Variants in KIRREL3 observed in about 807,000 individuals in gnomAD.
KIRREL3 encodes the protein kin of IRRE-like protein 3.
In KIRREL3, 36 loss-of-function variants were observed where a neutral mutation model predicts 89.7. The observed-to-expected ratio is 0.40, with a 90% CI of 0.31 to 0.53. KIRREL3 has a LOEUF of 0.53. KIRREL3 is among the 20% of genes least tolerant of loss of function. The pLI, the probability that KIRREL3 is intolerant of heterozygous loss-of-function variation, is 0.49. For missense variants in KIRREL3, 864 were observed against 1,056.6 expected (o/e 0.82, Z 2.53); for synonymous variants, 445 against 441.4 (o/e 1.01, Z -0.10).
chr11:126,651,756 A>C lies in KIRREL3; in HGVS notation c.56-88844T>G, dbSNP rs542484449. Among the ~76,000 whole-genome samples, 11 of 152,282 alleles carry C rather than the reference A, an allele frequency of 7.2e-5. No homozygotes were observed. The highest frequency in any genetic ancestry group is 2.6e-4 in the African/African-American group (11 of 41,562). On this transcript the variant is annotated intron_variant, in intron 1 of 16. Transcript: ENST00000525144. The surrounding 1 kb of genome is among the most constrained non-coding windows in gnomAD (Gnocchi z 4.6). ...AAGCTAATTAGTTTAAATTATTTGT[A>C]CTTGTACAAGGTCTTGAAACACATA... is the stretch of plus-strand genomic sequence containing the variant.
At chr11:126,681,609 G>GACC in intron 1 of KIRREL3, among the ~76,000 whole-genome samples, 1 of 150,388 alleles carries the variant, frequency 6.6e-6, no homozygotes, top group East Asian at 2.0e-4. Context: ...TGTATATACA[G>GACC]ACACACACAC....
intron 1 of KIRREL3, among the ~76,000 whole-genome samples, chr11:126,984,425 T>G (rs1949800125): frequency 1.3e-5 from 2 of 151,990 alleles, no homozygotes; most frequent in Admixed American, 6.5e-5. Context: ...AGGTCTTCCT[T>G]GATTGACAGG....
rs1432112527 is a variant in KIRREL3 at position 126,989,509 on chromosome 11, A to G, written c.55+10946T>C. Among the ~76,000 whole-genome samples the G allele has an allele frequency of 7.9e-5, 12 of 152,152 alleles. No homozygotes were observed. Among genetic ancestry groups the G allele is most frequent in the Non-Finnish European group, 1.5e-4 (10 of 68,020 alleles). ...GTAACATAAACCGCCAGCTCTACCA[A>G]CCACTCAGGCTGCAGACCAGACAAG... On this transcript the variant is annotated intron_variant, in intron 1 of 16. Coordinates refer to ENST00000525144, the MANE Select transcript of KIRREL3 (RefSeq NM_032531.4). The surrounding 1 kb of genome is among the most constrained non-coding windows in gnomAD (Gnocchi z 6.2).
chr11:126,952,697 G>A (rs896602446), intron 1 of KIRREL3, among the ~76,000 whole-genome samples: 4 of 152,162 alleles, frequency 2.6e-5, no homozygotes, highest in Non-Finnish European at 4.4e-5. Context: ...GGGTTTTCAT[G>A]GTTTGGGTCT....
rs932811588 is a variant in KIRREL3 at position 126,639,005 on chromosome 11, G to C, written c.56-76093C>G. On this transcript the variant is annotated intron_variant, in intron 1 of 16. Transcript: ENST00000525144. This position sits in a 1 kb window ranked among gnomAD's most constrained non-coding sequence, Gnocchi z 4.3. ...TTTAATGATTTTTTTTTAATTGAAT[G>C]AATTAAGATTCACAAGTAATTTGAA... is the stretch of plus-strand genomic sequence containing the variant. Among the ~76,000 whole-genome samples, 11 of 152,040 alleles carry C rather than the reference G, an allele frequency of 7.2e-5. No individual in the cohort carries two copies. The highest frequency in any genetic ancestry group is 1.3e-4 in the Non-Finnish European group (9 of 68,006).
chr11:126,665,819 T>G (rs1323941443), intron 1 of KIRREL3, among the ~76,000 whole-genome samples: 1 of 152,256 alleles, frequency 6.6e-6, no homozygotes, highest in Non-Finnish European at 1.5e-5. Context: ...GAGGTCTGCC[T>G]GCAACACTTA....
intron 1 of KIRREL3, among the ~76,000 whole-genome samples, chr11:126,794,296 G>A (rs1364665008): frequency 1.3e-5 from 2 of 152,136 alleles, no homozygotes; most frequent in Admixed American, 6.5e-5. Flanking sequence ...GCCAGCCTGG[G>A]CCATGGTTCC....
intron 5 of KIRREL3, among the ~76,000 whole-genome samples, chr11:126,468,569 C>G (rs1956796051): frequency 6.6e-6 from 1 of 152,194 alleles, no homozygotes; most frequent in Non-Finnish European, 1.5e-5. Flanking sequence ...TCATCCCTCC[C>G]CTACTGGTCC....
chr11:126,894,323 G>A (rs1294251677), intron 1 of KIRREL3, among the ~76,000 whole-genome samples: 1 of 152,038 alleles, frequency 6.6e-6, no homozygotes, highest in African/African-American at 2.4e-5. Flanking sequence ...GTCGTGGTGA[G>A]CAAGACAGGT....
intron 1 of KIRREL3, among the ~76,000 whole-genome samples, chr11:126,699,821 C>T (rs542118942): frequency 6.6e-6 from 1 of 152,208 alleles, no homozygotes; most frequent in African/African-American, 2.4e-5. Flanking sequence ...CGAAGTAATT[C>T]GCTAAACACT....
At chr11:126,446,423 A>G (rs1251197840) in intron 9 of KIRREL3, among the ~76,000 whole-genome samples, 2 of 149,524 alleles carry the variant, frequency 1.3e-5, no homozygotes, top group Admixed American at 6.8e-5. Context: ...CTTCCACCTC[A>G]GCCTCCTGAG....
rs1948289863 is a variant in KIRREL3, at chr11:126,724,252, G to T, written c.56-161340C>A. On this transcript the variant is annotated intron_variant, in intron 1 of 16. Transcript: ENST00000525144. The surrounding 1 kb of genome is among the most constrained non-coding windows in gnomAD (Gnocchi z 4.3). ...AGATCACTTTCTGTGTAAGATTTCT[G>T]ATTCCTGTCTCCTGCAGGTTGGTTC... 6.6e-6 allele frequency among the ~76,000 whole-genome samples: 1 copy of T among 152,200 alleles called. No homozygotes were observed. The highest frequency in any genetic ancestry group is 2.4e-5 in the African/African-American group (1 of 41,460).
At position 126,640,309 on chromosome 11, in the gene KIRREL3, A is replaced by G. The variant is rs1312344859; in HGVS notation, c.56-77397T>C. Among the ~76,000 whole-genome samples the G allele has an allele frequency of 6.6e-6, 1 of 152,086 alleles. No homozygotes were observed. Among genetic ancestry groups the G allele is most frequent in the Non-Finnish European group, 1.5e-5 (1 of 68,010 alleles). ...GGGACCCACTTTGGTTTGGGAAAGG[A>G]GGTTGTCAAGACTAACTGAACACAA... On this transcript the variant is annotated intron_variant, in intron 1 of 16. Transcript: ENST00000525144. This position sits in a 1 kb window ranked among gnomAD's most constrained non-coding sequence, Gnocchi z 4.9.
chr11:126,623,480 G>A lies in KIRREL3; in HGVS notation c.56-60568C>T, dbSNP rs79205443. ...ACTATGTTGGTATTCTGTGATGTAC[G>A]CGGCTCTGTGTGCTGGTGAGATTTT... On this transcript the variant is annotated intron_variant, in intron 1 of 16. Coordinates refer to ENST00000525144, the MANE Select transcript of KIRREL3 (RefSeq NM_032531.4). The surrounding 1 kb of genome is among the most constrained non-coding windows in gnomAD (Gnocchi z 4.1). 0.027 allele frequency among the ~76,000 whole-genome samples: 4,080 copies of A among 152,210 alleles called. 171 individuals carry two copies. The highest frequency in any genetic ancestry group is 0.091 in the African/African-American group (3,791 of 41,510).
intron 1 of KIRREL3, among the ~76,000 whole-genome samples, chr11:126,700,061 G>T (rs1591983165): frequency 6.6e-6 from 1 of 152,242 alleles, no homozygotes; most frequent in South Asian, 2.1e-4. Flanking sequence ...GAGCGTGGTG[G>T]CTCATGCCTG....
Position 126,797,766 on chromosome 11 carries a change from C to T in KIRREL3, c.55+202689G>A, listed in dbSNP as rs560143871. Among the ~76,000 whole-genome samples the T allele has an allele frequency of 6.6e-6, 1 of 152,288 alleles. No homozygotes were observed. Among genetic ancestry groups the T allele is most frequent in the East Asian group, 1.9e-4 (1 of 5,178 alleles). ...TGGAAATTCAAATCACTCCACTGAA[C>T]CTGTTTTCTGATTCGTATTTTGTCC... On this transcript the variant is annotated intron_variant, in intron 1 of 16. Coordinates refer to ENST00000525144, the MANE Select transcript of KIRREL3 (RefSeq NM_032531.4). This position sits in a 1 kb window ranked among gnomAD's most constrained non-coding sequence, Gnocchi z 4.9.
At position 126,811,412 on chromosome 11, in the gene KIRREL3, T is replaced by C. The variant is rs1360805427; in HGVS notation, c.55+189043A>G. Among the ~76,000 whole-genome samples, 1 of 152,136 alleles carries C rather than the reference T, an allele frequency of 6.6e-6. No individual in the cohort carries two copies. The highest frequency in any genetic ancestry group is 6.5e-5 in the Admixed American group (1 of 15,284). On this transcript the variant is annotated intron_variant, in intron 1 of 16. Transcript: ENST00000525144. The surrounding 1 kb of genome is among the most constrained non-coding windows in gnomAD (Gnocchi z 4.3). ...GGGGCTGTGTCTGAATTTTGGTTAATTGCTGCATCCCTAGAACCCTGAAAA... is the reference window on the plus strand; with the variant it reads ...GGGGCTGTGTCTGAATTTTGGTTAACTGCTGCATCCCTAGAACCCTGAAAA...
In KIRREL3 at chr11:126,954,989, G is replaced by A. The variant is rs1476711875; in HGVS notation, c.55+45466C>T. Among the ~76,000 whole-genome samples, 1 of 152,154 alleles carries A rather than the reference G, an allele frequency of 6.6e-6. No homozygotes were observed. Among genetic ancestry groups the A allele is most frequent in the Non-Finnish European group, 1.5e-5 (1 of 68,028 alleles). ...TGGTTCATACAGATGTGTTACACGT[G>A]CCCTAGCTCAGCTGAGGCTGAGAGG... On this transcript the variant is annotated intron_variant, in intron 1 of 16. Coordinates refer to ENST00000525144, the MANE Select transcript of KIRREL3 (RefSeq NM_032531.4). The surrounding 1 kb of genome is among the most constrained non-coding windows in gnomAD (Gnocchi z 4.1).
At chr11:126,505,342 G>A (rs1233422621) in intron 4 of KIRREL3, among the ~76,000 whole-genome samples, 5 of 152,174 alleles carry the variant, frequency 3.3e-5, no homozygotes, top group Admixed American at 1.3e-4. Context: ...GGCTGAGGCC[G>A]GTGGATCACT....
Sources: allele counts gnomAD v4.1 joint callset (sites outside exome capture counted in the v4.1 genomes callset), GRCh38; gene constraint gnomAD v4.1.1; non-coding constraint Gnocchi (gnomAD v3.1); transcripts MANE v1.5; gene names NCBI Gene and HGNC (gene_info 2026-07-23, HGNC 2026-07-21).